DSCAM: variants seen among roughly 807,000 people sequenced by gnomAD.
DSCAM encodes DS cell adhesion molecule.
DSCAM carries 47 observed loss-of-function variants against 217.7 expected under a neutral mutation model. The observed-to-expected ratio is 0.22, with a 90% CI of 0.17 to 0.28. The LOEUF (loss-of-function observed/expected upper bound fraction) is 0.28. Among genes scored for constraint, DSCAM ranks in the 10% least tolerant of loss-of-function variants. DSCAM has a pLI of 1.00. For missense variants in DSCAM, 2,080 were observed against 2,618.3 expected (o/e 0.79, Z 4.49); for synonymous variants, 1,056 against 1,015.3 (o/e 1.04, Z -0.76).
intron 1 of DSCAM, among the ~76,000 whole-genome samples, chr21:40,722,387 A>T (rs866664088): frequency 1.3e-5 from 2 of 152,264 alleles, no homozygotes; most frequent in Middle Eastern, 3.4e-3. Context: ...CAAAGGCAGG[A>T]GGAAGGAGGA....
intron 3 of DSCAM, among the ~76,000 whole-genome samples, chr21:40,492,622 A>C (rs1422227960): frequency 6.6e-6 from 1 of 152,122 alleles, no homozygotes; most frequent in Admixed American, 6.5e-5. Context: ...CATCAACAGT[A>C]GACCTGATAA....
rs560001249 is a variant in DSCAM at position 40,430,147 on chromosome 21, A to C, written c.509-60902T>G. 6.6e-5 allele frequency among the ~76,000 whole-genome samples: 10 copies of C among 152,332 alleles called. No individual in the cohort carries two copies. In the East Asian group the frequency reaches 1.9e-3, roughly 29 times the overall value. On this transcript the variant is annotated intron_variant, in intron 3 of 32. Transcript: ENST00000400454. ...GCACATTGCATTTGATGGAGAATTAATCTTCATACCTTCACTCACAGCCTA... is the reference window on the plus strand; with the variant it reads ...GCACATTGCATTTGATGGAGAATTACTCTTCATACCTTCACTCACAGCCTA...
chr21:40,144,708 A>G lies in DSCAM; in HGVS notation c.3042T>C (p.Asn1014=), dbSNP rs1161977102. 1.2e-6 allele frequency: 2 copies of G among 1,614,052 alleles called. No homozygotes were observed. Among genetic ancestry groups the G allele is most frequent in the African/African-American group, 2.7e-5 (2 of 74,912 alleles). The part of the protein sequence containing the change: ...TWKAPKKHLQ[N]GIIRGYQIGY... The stretch of plus-strand genomic sequence containing the variant: ...CTATTTGGTAGCCACGGATAATCCC[A>G]TTTTGCAAATGTTTCTTGGGAGCCT... Residue 1014 remains asparagine (N), a synonymous_variant, in exon 17 of 33, where the codon AAT becomes AAC. Coordinates refer to ENST00000400454, the MANE Select transcript of DSCAM (RefSeq NM_001389.5). The surrounding 1 kb of genome is among the most constrained non-coding windows in gnomAD (Gnocchi z 4.8).
chr21:40,725,393 A>G (rs1477018430), intron 1 of DSCAM, among the ~76,000 whole-genome samples: 1 of 152,114 alleles, frequency 6.6e-6, no homozygotes, highest in Non-Finnish European at 1.5e-5. Context: ...GGTATGAGGT[A>G]CTCTTCTATC....
At chr21:40,050,036 C>A (rs896462155) in intron 30 of DSCAM, among the ~76,000 whole-genome samples, 5 of 152,178 alleles carry the variant, frequency 3.3e-5, no homozygotes, top group Admixed American at 1.3e-4. Context: ...CCGGAGGGGT[C>A]CTGCCCTGCT....
chr21:40,755,084 A>G (rs2091262597), intron 1 of DSCAM, among the ~76,000 whole-genome samples: 1 of 152,276 alleles, frequency 6.6e-6, no homozygotes, highest in African/African-American at 2.4e-5. Context: ...TTCCCACAAC[A>G]TGGAAGAGGA....
At chr21:40,395,195 T>G (rs1241643413) in intron 3 of DSCAM, among the ~76,000 whole-genome samples, 1 of 152,210 alleles carries the variant, frequency 6.6e-6, no homozygotes, top group Non-Finnish European at 1.5e-5. Flanking sequence ...TGTGGTGCAG[T>G]ATTTTTAACT....
intron 3 of DSCAM, among the ~76,000 whole-genome samples, chr21:40,459,787 A>G (rs2075791491): frequency 6.6e-6 from 1 of 151,458 alleles, no homozygotes; most frequent in Admixed American, 6.6e-5. Context: ...TGCAAAAACA[A>G]CCAGATTTTA....
intron 19 of DSCAM, among the ~76,000 whole-genome samples, chr21:40,132,824 C>T (rs2090167548): frequency 6.6e-6 from 1 of 152,062 alleles, no homozygotes; most frequent in Non-Finnish European, 1.5e-5. Flanking sequence ...TCCATCAGAG[C>T]AGATATGGGA....
intron 11 of DSCAM, among the ~76,000 whole-genome samples, chr21:40,197,498 C>T (rs947978571): frequency 6.6e-6 from 1 of 152,198 alleles, no homozygotes; most frequent in Non-Finnish European, 1.5e-5. Flanking sequence ...CCTTGCCTCT[C>T]TCCTATCCCT....
intron 8 of DSCAM, among the ~76,000 whole-genome samples, chr21:40,323,050 T>A (rs1174304684): frequency 2.0e-5 from 3 of 152,268 alleles, no homozygotes; most frequent in Admixed American, 1.3e-4. Flanking sequence ...CAGGCTCTTT[T>A]TTGGAGTGTC....
rs964076130 is a variant in DSCAM at position 40,353,861 on chromosome 21, T to A, written c.656-118A>T. The A allele has an allele frequency of 5.0e-5, 46 of 914,110 alleles. No homozygotes were observed. The African/African-American group carries it at 5.6e-4, about 11-fold the overall frequency. The allele number at this position is 914,110 out of a possible 1,614,324, so 56.6% of individuals were successfully genotyped here. On this transcript the variant is annotated intron_variant, in intron 4 of 32. Coordinates refer to ENST00000400454, the MANE Select transcript of DSCAM (RefSeq NM_001389.5). The stretch of plus-strand genomic sequence containing the variant: ...GCATCATACCAACTATTGATACAGA[T>A]CTTTAAGATTTTATAAGTGAACAGA...
chr21:40,681,496 T>C (rs1230700782), intron 3 of DSCAM, among the ~76,000 whole-genome samples: 5 of 151,790 alleles, frequency 3.3e-5, no homozygotes, highest in Non-Finnish European at 7.4e-5. Flanking sequence ...ATGCTTTTTT[T>C]TTTTTTTTAA....
intron 11 of DSCAM, among the ~76,000 whole-genome samples, chr21:40,261,235 A>G (rs970540092): frequency 6.6e-6 from 1 of 152,228 alleles, no homozygotes; most frequent in Non-Finnish European, 1.5e-5. Flanking sequence ...TGAAACTCAC[A>G]GTGAAACTTA....
intron 3 of DSCAM, among the ~76,000 whole-genome samples, chr21:40,517,984 C>T (rs2076316907): frequency 1.3e-5 from 2 of 152,136 alleles, no homozygotes; most frequent in Middle Eastern, 3.4e-3. Context: ...CTCTGGGTCC[C>T]ATGCTTTTCT....
At chr21:40,230,226 A>G (rs1286712880) in intron 11 of DSCAM, among the ~76,000 whole-genome samples, 2 of 152,200 alleles carry the variant, frequency 1.3e-5, no homozygotes, top group Non-Finnish European at 2.9e-5. Context: ...GAAGTGTTCT[A>G]TCTGCTTTTG....
At chr21:40,280,181 C>CTT (rs3988427) in intron 10 of DSCAM, among the ~76,000 whole-genome samples, 17,069 of 118,864 alleles carry the variant, frequency 0.14, 3,165 homozygotes, top group African/African-American at 0.39. Flanking sequence ...ATTTTGGTGC[C>CTT]TTTTTTTTTT....
intron 11 of DSCAM, among the ~76,000 whole-genome samples, chr21:40,252,456 T>C (rs1019010200): frequency 3.3e-5 from 5 of 152,212 alleles, no homozygotes; most frequent in Non-Finnish European, 5.9e-5. Context: ...GTTTTCCTCC[T>C]TTGTTTCCCT....
chr21:40,563,933 T>A (rs1409142543), intron 3 of DSCAM, among the ~76,000 whole-genome samples: 2 of 152,090 alleles, frequency 1.3e-5, no homozygotes, highest in Non-Finnish European at 2.9e-5. Flanking sequence ...GAGCCTCCTA[T>A]GAAAAAGCAC....
Sources: allele counts gnomAD v4.1 joint callset (sites outside exome capture counted in the v4.1 genomes callset), GRCh38; gene constraint gnomAD v4.1.1; non-coding constraint Gnocchi (gnomAD v3.1); transcripts MANE v1.5; gene names NCBI Gene and HGNC (gene_info 2026-07-23, HGNC 2026-07-21).